SHANK2: variants seen among roughly 807,000 people sequenced by gnomAD.
SHANK2 encodes SH3 and multiple ankyrin repeat domains protein 2.
SHANK2 carries 43 observed loss-of-function variants against 133.7 expected under a neutral mutation model. The observed-to-expected ratio is 0.32, with a 90% CI of 0.25 to 0.41. The LOEUF (loss-of-function observed/expected upper bound fraction) is 0.41. SHANK2 is among the 10% of genes least tolerant of loss of function. The pLI, the probability that SHANK2 is intolerant of heterozygous loss-of-function variation, is 1.00. For missense variants in SHANK2, 1,994 were observed against 2,235.8 expected (o/e 0.89, Z 2.18); for synonymous variants, 1,017 against 952.8 (o/e 1.07, Z -1.24).
At chr11:70,771,546 G>C (rs1947249671) in intron 14 of SHANK2, among the ~76,000 whole-genome samples, 1 of 152,116 alleles carries the variant, frequency 6.6e-6, no homozygotes, top group Non-Finnish European at 1.5e-5. Flanking sequence ...GAGTGGGTGG[G>C]TATCCATCGG....
At chr11:70,683,018 C>T (rs1382537895) in intron 15 of SHANK2, among the ~76,000 whole-genome samples, 5 of 152,142 alleles carry the variant, frequency 3.3e-5, no homozygotes, top group South Asian at 2.1e-4. Context: ...TTGGTGTGAC[C>T]GCTGAGCCAC....
chr11:70,848,563 C>T (rs1281041299), intron 11 of SHANK2, among the ~76,000 whole-genome samples: 6 of 152,220 alleles, frequency 3.9e-5, no homozygotes, highest in Admixed American at 3.9e-4. Flanking sequence ...CAGGCCTTAT[C>T]AGGACCTTAA....
chr11:70,798,674 C>A (rs1232420792), intron 13 of SHANK2, 118 bp from the exon 14 acceptor site: 2 of 654,924 alleles, frequency 3.1e-6, no homozygotes, highest in African/African-American at 1.8e-5. Flanking sequence ...GCCAGGCCTG[C>A]AGAGCAAGCG....
chr11:71,129,469 T>G (rs1313797951), intron 3 of SHANK2, among the ~76,000 whole-genome samples: 1 of 152,118 alleles, frequency 6.6e-6, no homozygotes, highest in African/African-American at 2.4e-5. Flanking sequence ...GGAAACCGTC[T>G]CTACGAAAAA....
chr11:70,803,781 C>G (rs1287983308), intron 13 of SHANK2, among the ~76,000 whole-genome samples: 1 of 137,650 alleles, frequency 7.3e-6, no homozygotes, highest in Non-Finnish European at 1.5e-5. Context: ...GTGCCAGGCA[C>G]AGTGAAGGAC....
rs1226247143 is a variant in SHANK2 at position 70,472,243 on chromosome 11, C to G, written c.*626G>C. ...TGCCAGGAACCTCATGGCCAAAGAG[C>G]CATGGATGCAAACCACAGGAGGAGA... On this transcript the variant is annotated 3_prime_UTR_variant, in exon 26 of 26. Transcript: ENST00000601538. This position sits in a 1 kb window ranked among gnomAD's most constrained non-coding sequence, Gnocchi z 4.4. The G allele has an allele frequency of 3.2e-5, 5 of 154,372 alleles. No homozygotes were observed. The highest frequency in any genetic ancestry group is 1.2e-4 in the African/African-American group (5 of 41,468). The allele number at this position is 154,372 out of a possible 1,614,324, so 9.6% of individuals were successfully genotyped here. A position where few individuals can be genotyped will look rare whatever the true frequency, so the allele number is the denominator to read the frequency against.
At chr11:71,129,800 T>C (rs1952263834) in intron 3 of SHANK2, among the ~76,000 whole-genome samples, 1 of 152,216 alleles carries the variant, frequency 6.6e-6, no homozygotes, top group African/African-American at 2.4e-5. Flanking sequence ...GGCAGCTGTG[T>C]TTGGCCTGAG....
At chr11:71,074,987 G>GC (rs1951200045) in intron 9 of SHANK2, among the ~76,000 whole-genome samples, 172 bp downstream of exon 9, 2 of 151,930 alleles carry the variant, frequency 1.3e-5, no homozygotes, top group South Asian at 4.2e-4. Flanking sequence ...CACCATGTTA[G>GC]CAGGATGGTC....
At chr11:71,207,809 G>A (rs149932991) in intron 2 of SHANK2, among the ~76,000 whole-genome samples, 3 of 152,224 alleles carry the variant, frequency 2.0e-5, no homozygotes, top group Non-Finnish European at 2.9e-5. Context: ...CACCGTCACT[G>A]GAGGCTGACC....
chr11:70,926,961 CT>C (rs1431019675), intron 10 of SHANK2, among the ~76,000 whole-genome samples: 1 of 152,192 alleles, frequency 6.6e-6, no homozygotes. Context: ...CCAATAACCA[CT>C]TGTCTCTCTT....
intron 12 of SHANK2, among the ~76,000 whole-genome samples, chr11:70,814,617 C>A (rs557658883): frequency 6.6e-6 from 1 of 152,364 alleles, no homozygotes; most frequent in Admixed American, 6.5e-5. Context: ...GGCCACTGGG[C>A]CAAAGACGGG....
At chr11:70,805,601 TG>T (rs1195576921) in intron 13 of SHANK2, among the ~76,000 whole-genome samples, 2 of 152,140 alleles carry the variant, frequency 1.3e-5, no homozygotes, top group African/African-American at 4.8e-5. Flanking sequence ...GCCAAGTTGA[TG>T]GGGTAAGTGT....
At chr11:70,747,784 T>C (rs1946671429) in intron 14 of SHANK2, among the ~76,000 whole-genome samples, 1 of 152,190 alleles carries the variant, frequency 6.6e-6, no homozygotes, top group South Asian at 2.1e-4. Flanking sequence ...ACATGGTACA[T>C]GTATGTGCAG....
chr11:71,249,617 G>C (rs1427623472), intron 1 of SHANK2, among the ~76,000 whole-genome samples: 6 of 152,144 alleles, frequency 3.9e-5, no homozygotes, highest in African/African-American at 1.4e-4. Flanking sequence ...CAGAGTAGGA[G>C]GCACAACCTC....
intron 14 of SHANK2, among the ~76,000 whole-genome samples, chr11:70,745,473 G>A (rs1484510653): frequency 1.3e-5 from 2 of 152,300 alleles, no homozygotes; most frequent in African/African-American, 2.4e-5. Flanking sequence ...CCCTCCTCCT[G>A]CTGCCTTGAA....
intron 15 of SHANK2, among the ~76,000 whole-genome samples, chr11:70,663,729 G>A (rs1555014123): frequency 1.3e-5 from 2 of 152,152 alleles, no homozygotes; most frequent in South Asian, 2.1e-4. Flanking sequence ...CCACTCTGGG[G>A]AACTCGGTCA....
At chr11:70,875,629 G>A (rs1168602008) in intron 11 of SHANK2, among the ~76,000 whole-genome samples, 1 of 152,112 alleles carries the variant, frequency 6.6e-6, no homozygotes, top group African/African-American at 2.4e-5. Flanking sequence ...GGGAGGCCAA[G>A]GCAAGTGGAT....
chr11:71,224,222 A>C (rs1555121821), intron 2 of SHANK2, among the ~76,000 whole-genome samples: 1 of 152,216 alleles, frequency 6.6e-6, no homozygotes, highest in East Asian at 1.9e-4. Context: ...TGATACCAGC[A>C]AGGCACAGAG....
intron 2 of SHANK2, among the ~76,000 whole-genome samples, chr11:71,197,711 C>T (rs537210785): frequency 3.9e-5 from 6 of 152,276 alleles, no homozygotes; most frequent in East Asian, 1.9e-4. Flanking sequence ...AGTGCAGTGG[C>T]GCAATCTTGA....
Sources: gnomAD v4.1 joint callset for allele counts (sites outside exome capture counted in the v4.1 genomes callset) on GRCh38, gnomAD v4.1.1 for gene constraint, Gnocchi (gnomAD v3.1) non-coding constraint, MANE v1.5 for transcripts, NCBI Gene and HGNC (gene_info 2026-07-23, HGNC 2026-07-21) for gene names.